Variants in REPS2 observed in about 807,000 individuals in gnomAD.
The protein encoded by REPS2 is RALBP1 associated Eps domain containing 2.
REPS2 carries 23 observed loss-of-function variants against 53.6 expected under a neutral mutation model. The ratio of observed to expected loss-of-function variants is 0.43; its 90% confidence interval spans 0.31 to 0.61. The LOEUF (loss-of-function observed/expected upper bound fraction) is 0.61, where lower values mean the gene tolerates loss of function less well. REPS2 is among the 20% of genes least tolerant of loss of function. The pLI is 0.11. For synonymous variants in REPS2, 238 were observed against 218.6 expected (o/e 1.09, Z -0.78); for missense variants, 446 against 534.9 (o/e 0.83, Z 1.64).
At chrX:17,121,724 T>C (rs998976572) in intron 14 of REPS2, among the ~76,000 whole-genome samples, 3 of 111,826 alleles carry the variant, frequency 2.7e-5, no homozygotes, top group Admixed American at 1.9e-4. Context: ...AAACTTTTTT[T>C]TTTTTGAGAC....
At chrX:17,142,951 A>G (rs1794231635) in intron 17 of REPS2, among the ~76,000 whole-genome samples, 1 of 112,726 alleles carries the variant, frequency 8.9e-6, no homozygotes, top group South Asian at 3.6e-4. Flanking sequence ...TCAAAAGATG[A>G]ATGAATAAAT....
intron 1 of REPS2, among the ~76,000 whole-genome samples, chrX:16,961,551 A>G (rs2060661299): frequency 8.9e-6 from 1 of 112,014 alleles, no homozygotes. Context: ...AGAAGAAAAC[A>G]TAGGGGAAAA....
At chrX:17,025,218 G>A in intron 4 of REPS2, 33 bp downstream of exon 4, 2 of 1,192,766 alleles carry the variant, frequency 1.7e-6, no homozygotes, top group Non-Finnish European at 1.1e-6. Context: ...GCTGTCCCAG[G>A]CAGTGTCTTA....
chrX:16,956,574 G>C (rs1023541998), intron 1 of REPS2, among the ~76,000 whole-genome samples: 1 of 111,955 alleles, frequency 8.9e-6, no homozygotes, highest in Admixed American at 9.5e-5. Flanking sequence ...CCATGGTCAG[G>C]AGTGAGATTC....
At chrX:17,191,729 G>T in the REPS2 span, among the ~76,000 whole-genome samples, 1 of 112,639 alleles carries the variant, frequency 8.9e-6, no homozygotes, top group East Asian at 2.8e-4. Context: ...CAACAACATG[G>T]ATTATTCTTA....
At chrX:17,103,455 G>A (rs114730349) in intron 13 of REPS2, among the ~76,000 whole-genome samples, 2,121 of 111,624 alleles carry the variant, frequency 0.019, 47 homozygotes, top group African/African-American at 0.066. Context: ...CCCTTGCTGC[G>A]TTTTAGGTGT....
intron 1 of REPS2, among the ~76,000 whole-genome samples, chrX:16,969,935 C>T (rs749870087): frequency 8.9e-6 from 1 of 112,153 alleles, no homozygotes; most frequent in African/African-American, 3.2e-5. Flanking sequence ...AATTATAACC[C>T]TCTATTTATT....
chrX:17,096,107 A>G (rs1344871942), intron 13 of REPS2, among the ~76,000 whole-genome samples: 1 of 112,255 alleles, frequency 8.9e-6, no homozygotes, highest in African/African-American at 3.2e-5. Flanking sequence ...GAAACAAGGA[A>G]TTTTACACAG....
intron 1 of REPS2, among the ~76,000 whole-genome samples, chrX:16,959,458 A>G (rs1250970525): frequency 8.9e-6 from 1 of 111,980 alleles, no homozygotes; most frequent in African/African-American, 3.2e-5. Context: ...GTCCTTATTC[A>G]TGACACTGGG....
At chrX:17,059,582 C>T (rs975761230) in intron 8 of REPS2, among the ~76,000 whole-genome samples, 45 of 110,220 alleles carry the variant, frequency 4.1e-4, no homozygotes, top group African/African-American at 1.4e-3. Flanking sequence ...ATTCTCCTGC[C>T]TCAGCCTCTC....
At position 17,022,190 on chromosome X, in the gene REPS2, G is replaced by A. The variant is rs1482526118; in HGVS notation, c.465G>A (p.Glu155=). Reference sequence around the variant, plus strand: ...AGATACGATTTGGGAACCCAGCTGAGCTGCATGGAACTAAGGTTCAGATTC... The same window carrying A: ...AGATACGATTTGGGAACCCAGCTGAACTGCATGGAACTAAGGTTCAGATTC... ...DGEIRFGNPA[E]LHGTKVQIPY... Residue 155 remains glutamate (E), a synonymous_variant, in exon 3 of 18, where the codon GAG becomes GAA. Coordinates refer to ENST00000357277, the MANE Select transcript of REPS2 (RefSeq NM_004726.3). 4 of 1,206,455 alleles carry A rather than the reference G, an allele frequency of 3.3e-6. No homozygotes were observed. The African/African-American group carries it at 7.0e-5, about 21-fold the overall frequency.
At chrX:16,980,147 C>T (rs1194891425) in intron 1 of REPS2, among the ~76,000 whole-genome samples, 1 of 105,505 alleles carries the variant, frequency 9.5e-6, no homozygotes, top group Non-Finnish European at 1.9e-5. Context: ...TTCTCTGTTA[C>T]CCCCAGGCTG....
chrX:17,133,166 G>T (rs1382620959), intron 14 of REPS2, among the ~76,000 whole-genome samples: 3 of 110,534 alleles, frequency 2.7e-5, no homozygotes, highest in Non-Finnish European at 5.7e-5. Flanking sequence ...CTTTGCAGGG[G>T]CCTCTTTAGG....
chrX:17,188,282 G>A, the REPS2 span, among the ~76,000 whole-genome samples: 2 of 112,367 alleles, frequency 1.8e-5, no homozygotes, highest in East Asian at 2.8e-4. Context: ...TCCCATTTAC[G>A]GTAGAAATAT....
intron 1 of REPS2, among the ~76,000 whole-genome samples, chrX:17,005,521 G>C (rs2061353944): frequency 9.0e-6 from 1 of 111,109 alleles, no homozygotes; most frequent in Non-Finnish European, 1.9e-5. Flanking sequence ...ATCATGTGAT[G>C]GACATTAATA....
At chrX:17,132,617 A>C (rs1247182861) in intron 14 of REPS2, among the ~76,000 whole-genome samples, 1 of 112,703 alleles carries the variant, frequency 8.9e-6, no homozygotes, top group Non-Finnish European at 1.9e-5. Flanking sequence ...GGCTCACTGC[A>C]GCCTCCGCCT....
chrX:17,184,530 T>C, the REPS2 span, among the ~76,000 whole-genome samples: 123 of 108,443 alleles, frequency 1.1e-3, no homozygotes, highest in African/African-American at 4.0e-3. Flanking sequence ...TTATAGTCCT[T>C]TGGGTATATA....
intron 17 of REPS2, among the ~76,000 whole-genome samples, chrX:17,141,564 T>C (rs893341489): frequency 3.6e-5 from 4 of 111,961 alleles, no homozygotes; most frequent in Non-Finnish European, 5.6e-5. Flanking sequence ...TCATGGTAAG[T>C]GTATGTGATT....
At chrX:17,093,419 A>G (rs2062652719) in intron 13 of REPS2, among the ~76,000 whole-genome samples, 1 of 107,768 alleles carries the variant, frequency 9.3e-6, no homozygotes, top group African/African-American at 3.4e-5. Flanking sequence ...GAGTTGGAAA[A>G]GTAAATAATC....
Sources: allele counts gnomAD v4.1 joint callset (sites outside exome capture counted in the v4.1 genomes callset), GRCh38; gene constraint gnomAD v4.1.1; transcripts MANE v1.5; gene names NCBI Gene and HGNC (gene_info 2026-07-23, HGNC 2026-07-21).